The following ATM variants were observed in gnomAD, a reference collection of about 807,000 sequenced individuals.
The protein encoded by ATM is serine-protein kinase ATM.
A neutral mutation model predicts 387.0 loss-of-function variants in ATM; 308 were observed. The ratio of observed to expected loss-of-function variants is 0.80; its 90% confidence interval spans 0.73 to 0.87. The LOEUF (loss-of-function observed/expected upper bound fraction) is 0.87, where lower values mean the gene tolerates loss of function less well. Among genes scored for constraint, ATM ranks in the 40% least tolerant of loss-of-function variants. ATM has a pLI of 0.00. For missense variants in ATM, 3,312 were observed against 3,560.9 expected, an observed-to-expected ratio of 0.93 and a Z score of 1.78; for synonymous variants, 1,156 against 1,187.3, an observed-to-expected ratio of 0.97 and a Z score of 0.54.
rs781182563 is a variant in ATM at position 108,355,782 on chromosome 11, G to A, written c.8850+908G>A. 2.0e-5 allele frequency: 3 copies of A among 152,242 alleles called. No individual in the cohort carries two copies. In the South Asian group the frequency reaches 6.2e-4, roughly 32 times the overall value. The allele number at this position is 152,242 out of a possible 1,614,324, so 9.4% of individuals were successfully genotyped here. On this transcript the variant is annotated intron_variant, in intron 61 of 62. Coordinates refer to ENST00000675843, the MANE Select transcript of ATM (RefSeq NM_000051.4). ...CTCTCCTACTGTTCAACTAGGATAT[G>A]AGAACTGTCTTAATTCATTGGCATT...
In ATM at chr11:108,298,715, T is replaced by C. The variant is rs4988025; in HGVS notation, c.5006-999T>C. Reference sequence around the variant, plus strand: ...AGAGCAATTAAACAAGAAAAAGAAATTAAAAGCATGCCAATTAGAAAGGAA... The same window carrying C: ...AGAGCAATTAAACAAGAAAAAGAAACTAAAAGCATGCCAATTAGAAAGGAA... On this transcript the variant is annotated intron_variant, in intron 33 of 62. Coordinates refer to ENST00000675843, the MANE Select transcript of ATM (RefSeq NM_000051.4). Among the ~76,000 whole-genome samples the C allele has an allele frequency of 1.2e-3, 190 of 152,238 alleles. 1 individual carries two copies. Among genetic ancestry groups the C allele is most frequent in the Non-Finnish European group, 2.1e-3 (145 of 68,018 alleles).
In ATM at chr11:108,310,161, C is replaced by A. The variant is rs587781865; in HGVS notation, c.5764C>A (p.Pro1922Thr). ...VVDYMRRQKR[P>T]SSGTIFNDAF... is the part of the protein sequence containing the mutation. The stretch of plus-strand genomic sequence containing the variant: ...ACATTATATCTCATTTTTCTTTAGA[C>A]CTTCTTCAGGAACAATTTTTAATGA... Residue 1922 changes from proline (P) to threonine (T), a missense_variant and splice_region_variant, in exon 39 of 63, where the codon CCT (proline) becomes ACT (threonine). Pro to Thr is a conservative substitution (Grantham distance 38). This residue lies in a region of ATM where 1,405 missense variants were observed against 1,604.4 expected (regional missense o/e 0.88). Transcript: ENST00000675843. 6.2e-7 allele frequency: 1 copy of A among 1,612,798 alleles called. No individual in the cohort carries two copies. The highest frequency in any genetic ancestry group is 8.5e-7 in the Non-Finnish European group (1 of 1,179,304).
chr11:108,245,549 A>G (rs766802833), intron 7 of ATM, among the ~76,000 whole-genome samples: 6 of 152,168 alleles, frequency 3.9e-5, no homozygotes, highest in Non-Finnish European at 7.4e-5. Flanking sequence ...TGTTTGCCCT[A>G]GAGTATCACT....
intron 5 of ATM, chr11:108,236,600 G>A (rs973823338): frequency 4.0e-5 from 6 of 151,534 alleles, no homozygotes; most frequent in African/African-American, 1.5e-4. Flanking sequence ...AACATTTTAA[G>A]TGTTGTAGAA....
chr11:108,317,960 C>T (rs2084892033), intron 43 of ATM, among the ~76,000 whole-genome samples: 1 of 152,034 alleles, frequency 6.6e-6, no homozygotes, highest in Non-Finnish European at 1.5e-5. Context: ...AGGCATTCCT[C>T]TTTCTACTTC....
Position 108,288,965 on chromosome 11 carries a change from T to C in ATM, c.4110-12T>C, listed in dbSNP as rs2135749934. 6.2e-7 allele frequency: 1 copy of C among 1,613,524 alleles called. No homozygotes were observed. Among genetic ancestry groups the C allele is most frequent in the East Asian group, 2.2e-5 (1 of 44,734 alleles). The stretch of plus-strand genomic sequence containing the variant: ...AAAACGATGACTGTATTTTTTCCCT[T>C]AACTCTGTTAGGGATTTGGATCCTG... On this transcript the variant is annotated splice_polypyrimidine_tract_variant and intron_variant, in intron 27 of 62. Coordinates refer to ENST00000675843, the MANE Select transcript of ATM (RefSeq NM_000051.4).
At chr11:108,224,999 T>A (rs1205266940) in intron 1 of ATM, 1 of 152,182 alleles carries the variant, frequency 6.6e-6, no homozygotes, top group Non-Finnish European at 1.5e-5. Context: ...TTCTTCAAAG[T>A]AATCATTAAG....
At chr11:108,277,440 G>T (rs1178674090) in intron 22 of ATM, among the ~76,000 whole-genome samples, 1 of 152,178 alleles carries the variant, frequency 6.6e-6, no homozygotes, top group Non-Finnish European at 1.5e-5. Context: ...AGCTAGCTCA[G>T]TGTCTGCCCA....
intron 20 of ATM, among the ~76,000 whole-genome samples, chr11:108,271,842 A>G (rs915511066): frequency 3.9e-5 from 6 of 152,208 alleles, no homozygotes; most frequent in Non-Finnish European, 8.8e-5. Context: ...ATTGCTAAGT[A>G]ATTCTAAATC....
chr11:108,228,654 G>GT (rs1384484226), intron 3 of ATM, among the ~76,000 whole-genome samples: 1 of 152,164 alleles, frequency 6.6e-6, no homozygotes, highest in African/African-American at 2.4e-5. Flanking sequence ...CATGCATGCT[G>GT]TTTTTCCTCT....
At chr11:108,302,702 G>A (rs1365187637) in intron 35 of ATM, 151 bp from the exon 36 acceptor site, 2 of 776,788 alleles carry the variant, frequency 2.6e-6, no homozygotes, top group African/African-American at 3.5e-5. Flanking sequence ...AAACATAAAT[G>A]TTTTCATCTT....
intron 18 of ATM, among the ~76,000 whole-genome samples, chr11:108,269,065 C>G (rs555326781): frequency 3.3e-5 from 5 of 152,282 alleles, no homozygotes; most frequent in African/African-American, 7.2e-5. Flanking sequence ...CACACACACT[C>G]ATACGCAGAT....
intron 16 of ATM, among the ~76,000 whole-genome samples, chr11:108,265,734 TC>T (rs2081194830): frequency 7.2e-6 from 1 of 137,986 alleles, no homozygotes; most frequent in African/African-American, 2.7e-5. Context: ...AACCTACTCA[TC>T]TGACAAAGGG....
chr11:108,345,726 ATATT>A lies in ATM; in HGVS notation c.8419-16_8419-13del, dbSNP rs774275044. 72 of 1,538,596 alleles carry A rather than the reference ATATT, an allele frequency of 4.7e-5. No individual in the cohort carries two copies. The highest frequency in any genetic ancestry group is 5.7e-5 in the Non-Finnish European group (64 of 1,122,714). ...ACACAATATTGAAAAATAATTATAT[ATATT>A]CTCTATTTAAAGGAGGTGCAAAAAA... On this transcript the variant is annotated splice_polypyrimidine_tract_variant and intron_variant, in intron 57 of 62. Transcript: ENST00000675843.
At chr11:108,286,060 G>A (rs570783686) in intron 26 of ATM, among the ~76,000 whole-genome samples, 7 of 152,128 alleles carry the variant, frequency 4.6e-5, no homozygotes, top group East Asian at 1.9e-4. Context: ...GGCCGGGTGC[G>A]GTGGCTAACG....
At position 108,302,820 on chromosome 11, in the gene ATM, C is replaced by T. The variant is rs749105235; in HGVS notation, c.5320-33C>T. The T allele has an allele frequency of 7.0e-6, 11 of 1,571,070 alleles. No individual in the cohort carries two copies. Among genetic ancestry groups the T allele is most frequent in the East Asian group, 2.2e-5 (1 of 44,568 alleles). ...GAAAGGTACAATGATTTCCACTTCT[C>T]TTATTTACATTTTCTAATCCCTTTC... On this transcript the variant is annotated intron_variant, in intron 35 of 62. Transcript: ENST00000675843.
chr11:108,281,495 T>G (rs1279839335), intron 24 of ATM, among the ~76,000 whole-genome samples: 1 of 152,156 alleles, frequency 6.6e-6, no homozygotes, highest in Non-Finnish European at 1.5e-5. Context: ...AGCATAGGTG[T>G]TTTGCCCGGT....
chr11:108,278,678 C>T (rs1565437899), intron 22 of ATM, among the ~76,000 whole-genome samples: 1 of 151,958 alleles, frequency 6.6e-6, no homozygotes, highest in African/African-American at 2.4e-5. Flanking sequence ...AGGGTGGAGG[C>T]GGGGAAGGCC....
intron 35 of ATM, among the ~76,000 whole-genome samples, chr11:108,302,160 A>G (rs1286268320): frequency 1.3e-5 from 2 of 152,164 alleles, no homozygotes; most frequent in African/African-American, 2.4e-5. Context: ...TCAAGTTAAC[A>G]TATCACAATC....
Sources: gnomAD v4.1 joint callset for allele counts (sites outside exome capture counted in the v4.1 genomes callset) on GRCh38, gnomAD v4.1.1 for gene constraint, gnomAD v4.1.1 regional missense constraint, MANE v1.5 for transcripts, NCBI Gene and HGNC (gene_info 2026-07-23, HGNC 2026-07-21) for gene names.